COL7A1: variants seen among roughly 807,000 people sequenced by gnomAD.
The protein encoded by COL7A1 is collagen alpha-1(VII) chain.
Under a neutral mutation model 456.2 loss-of-function variants are expected in COL7A1, and 296 were observed. The ratio of observed to expected loss-of-function variants is 0.65; its 90% CI spans 0.59 to 0.71. COL7A1 has a LOEUF of 0.71. Among genes scored for constraint, COL7A1 ranks in the 30% least tolerant of loss-of-function variants. The pLI, the probability that COL7A1 is intolerant of heterozygous loss-of-function variation, is 0.00. For missense variants in COL7A1, 3,441 were observed against 4,017.2 expected, an observed-to-expected ratio of 0.86 and a Z score of 3.88; for synonymous variants, 1,464 against 1,525.9, an observed-to-expected ratio of 0.96 and a Z score of 0.95.
intron 18 of COL7A1, 49 bp from the exon 19 acceptor site, chr3:48,589,044 G>A: frequency 6.2e-7 from 1 of 1,612,254 alleles, no homozygotes; most frequent in Non-Finnish European, 8.5e-7. Flanking sequence ...CAGAGAGGCA[G>A]TGCAGGAATG....
chr3:48,577,240 C>T (rs1298363975), intron 65 of COL7A1, among the ~76,000 whole-genome samples: 2 of 152,260 alleles, frequency 1.3e-5, no homozygotes, highest in Non-Finnish European at 2.9e-5. Context: ...CAGGCAACTG[C>T]ACACATGTCC....
chr3:48,592,896 T>A lies in COL7A1; in HGVS notation c.725A>T (p.Glu242Val). ...TSAPRDLVLS[E>V]PSSQSLRVQW... ...TACTCTCAAGGATTGGCTGCTTGGC[T>A]CAGACAGCACCAGGTCTCGTGGAGC... is the stretch of plus-strand genomic sequence containing the variant. Residue 242 changes from glutamate to valine, a missense_variant, in exon 7 of 119, where the codon GAG (glutamate) becomes GTG (valine). Transcript: ENST00000681320. The surrounding 1 kb of genome is among the most constrained non-coding windows in gnomAD (Gnocchi z 7.6). 6.2e-7 allele frequency: 1 copy of A among 1,614,004 alleles called. No individual in the cohort carries two copies.
rs768256600 is a variant in COL7A1 at position 48,594,336 on chromosome 3, C to T, written c.266+32G>A. On this transcript the variant is annotated intron_variant, in intron 3 of 118. Transcript: ENST00000681320. The surrounding 1 kb of genome is among the most constrained non-coding windows in gnomAD (Gnocchi z 5.5). ...GGGGAAGGAGTCTTGGTGGGGATCT[C>T]GTGGTCCCCAGCCCCCAGGGCCCCT... is the stretch of plus-strand genomic sequence containing the variant. 3.1e-6 allele frequency: 5 copies of T among 1,604,570 alleles called. No individual in the cohort carries two copies. In the African/African-American group the frequency reaches 4.0e-5, roughly 13 times the overall value.
In COL7A1 at chr3:48,570,415, AG is replaced by A; in HGVS notation, c.7380+49del. The A allele has an allele frequency of 6.2e-7, 1 of 1,613,962 alleles. No homozygotes were observed. Among genetic ancestry groups the A allele is most frequent in the South Asian group, 1.1e-5 (1 of 91,072 alleles). On this transcript the variant is annotated intron_variant, in intron 97 of 118. Coordinates refer to ENST00000681320, the MANE Select transcript of COL7A1 (RefSeq NM_000094.4). This position sits in a 1 kb window ranked among gnomAD's most constrained non-coding sequence, Gnocchi z 5.5. The stretch of plus-strand genomic sequence containing the variant: ...GTCATGGGAGGTCAGTGGAGGCTGA[AG>A]GGGGTGACCAGGGCACAAGAGAGAG...
rs779970746 is a variant in COL7A1, at chr3:48,587,582, C to G, written c.2858-28G>C. Reference sequence around the variant, plus strand: ...GAAGGAGGAATGAAAGATCGAGGATCAGAGGCTGAGTCCTGAGAACCCAGA... The same window carrying G: ...GAAGGAGGAATGAAAGATCGAGGATGAGAGGCTGAGTCCTGAGAACCCAGA... On this transcript the variant is annotated intron_variant, in intron 22 of 118. Coordinates refer to ENST00000681320, the MANE Select transcript of COL7A1 (RefSeq NM_000094.4). The surrounding 1 kb of genome is among the most constrained non-coding windows in gnomAD (Gnocchi z 6.1). 1 of 1,613,308 alleles carries G rather than the reference C, an allele frequency of 6.2e-7. No individual in the cohort carries two copies. The highest frequency in any genetic ancestry group is 8.5e-7 in the Non-Finnish European group (1 of 1,180,004).
chr3:48,566,875 AG>A lies in COL7A1; in HGVS notation c.8226+31del. 1 of 1,576,668 alleles carries A rather than the reference AG, an allele frequency of 6.3e-7. No homozygotes were observed. The highest frequency in any genetic ancestry group is 2.3e-5 in the East Asian group (1 of 43,830). ...GAGGTTGGAAGGGTAGGGAAGGTTC[AG>A]GGATCAGGAGTCAGAGCTGGGGCCC... On this transcript the variant is annotated intron_variant, in intron 111 of 118. Coordinates refer to ENST00000681320, the MANE Select transcript of COL7A1 (RefSeq NM_000094.4). This position sits in a 1 kb window ranked among gnomAD's most constrained non-coding sequence, Gnocchi z 5.9.
Position 48,594,519 on chromosome 3 carries a change from T to G in COL7A1, c.115A>C (p.Ile39Leu), listed in dbSNP as rs773612591. ...VTCTRLYAAD[I>L]VFLLDGSSSI... Reference sequence around the variant, plus strand: ...GAGGAGCCATCCAGTAAGAACACAATGTCAGCGGCGTAAAGGCGCGTGCAG... The same window carrying G: ...GAGGAGCCATCCAGTAAGAACACAAGGTCAGCGGCGTAAAGGCGCGTGCAG... Residue 39 changes from isoleucine (I) to leucine (L), a missense_variant, in exon 3 of 119, where the codon ATT (isoleucine) becomes CTT (leucine). This residue lies in a region of COL7A1 where 913 missense variants were observed against 1,088.2 expected (regional missense o/e 0.84). Coordinates refer to ENST00000681320, the MANE Select transcript of COL7A1 (RefSeq NM_000094.4). The surrounding 1 kb of genome is among the most constrained non-coding windows in gnomAD (Gnocchi z 5.5). The G allele has an allele frequency of 1.2e-6, 2 of 1,610,644 alleles. No individual in the cohort carries two copies. Among genetic ancestry groups the G allele is most frequent in the East Asian group, 2.2e-5 (1 of 44,828 alleles).
In COL7A1 at chr3:48,565,432, G is replaced by T. The variant is rs748854889; in HGVS notation, c.8505C>A (p.Arg2835=). 1 of 1,612,088 alleles carries T rather than the reference G, an allele frequency of 6.2e-7. No homozygotes were observed. The highest frequency in any genetic ancestry group is 8.5e-7 in the Non-Finnish European group (1 of 1,179,148). Residue 2835 remains arginine (R), a synonymous_variant, in exon 116 of 119, where the codon CGC becomes CGA. Transcript: ENST00000681320. The surrounding 1 kb of genome is among the most constrained non-coding windows in gnomAD (Gnocchi z 4.5). ...CACCTTCCTCCTCTGCATGAGAGAC[G>T]CGGAGCACAGGCACAGCATGGAGCT... ...GSQLHAVPVL[R]VSHAEEEERV... is the part of the protein sequence containing the mutation.
chr3:48,584,591 C>A (rs776025975), intron 35 of COL7A1, 35 bp from the exon 36 acceptor site: 1 of 1,613,702 alleles, frequency 6.2e-7, no homozygotes, highest in South Asian at 1.1e-5. Context: ...AGGATTCAGG[C>A]TATGGGGGCC....
chr3:48,583,357 C>G lies in COL7A1; in HGVS notation c.4437+36G>C. The stretch of plus-strand genomic sequence containing the variant: ...TAACACCATGGGGAGCCCAGAGTAG[C>G]ACCCCTCACACCTGAATCCCCCAAC... On this transcript the variant is annotated intron_variant, in intron 42 of 118. Coordinates refer to ENST00000681320, the MANE Select transcript of COL7A1 (RefSeq NM_000094.4). The surrounding 1 kb of genome is among the most constrained non-coding windows in gnomAD (Gnocchi z 5.1). The G allele has an allele frequency of 6.2e-7, 1 of 1,613,926 alleles. No homozygotes were observed.
At position 48,587,001 on chromosome 3, in the gene COL7A1, G is replaced by C; in HGVS notation, c.3247C>G (p.Leu1083Val). ...RRVLERLVLA[L>V]GPLGPQAVQV... Reference sequence around the variant, plus strand: ...ACTGCCTGTGGCCCAAGAGGCCCAAGTGCCAACACCAGACGCTCCAGGACC... The same window carrying C: ...ACTGCCTGTGGCCCAAGAGGCCCAACTGCCAACACCAGACGCTCCAGGACC... Residue 1083 changes from leucine (L) to valine (V), a missense_variant, in exon 25 of 119, where the codon CTT (leucine) becomes GTT (valine). Leu to Val is a conservative substitution (Grantham distance 32, BLOSUM62 1). Transcript: ENST00000681320. This position sits in a 1 kb window ranked among gnomAD's most constrained non-coding sequence, Gnocchi z 6.1. 6.2e-7 allele frequency: 1 copy of C among 1,600,490 alleles called. No individual in the cohort carries two copies. The highest frequency in any genetic ancestry group is 8.5e-7 in the Non-Finnish European group (1 of 1,173,724).
chr3:48,593,939 T>C lies in COL7A1; in HGVS notation c.267-243A>G, dbSNP rs951023185. Among the ~76,000 whole-genome samples, 7 of 152,150 alleles carry C rather than the reference T, an allele frequency of 4.6e-5. No homozygotes were observed. The highest frequency in any genetic ancestry group is 1.7e-4 in the African/African-American group (7 of 41,448). On this transcript the variant is annotated intron_variant, in intron 3 of 118. Transcript: ENST00000681320. The surrounding 1 kb of genome is among the most constrained non-coding windows in gnomAD (Gnocchi z 4.4). ...TGAAGGAGCCCTTAGGGGCTCACAG[T>C]CTGTGGGGAACAAGATGCTGCTTAA...
chr3:48,592,292 G>T lies in COL7A1; in HGVS notation c.1094-44C>A, dbSNP rs1266100479. ...GGGGCCAGTGGGCCTTGCAGACTCA[G>T]GACTCTACAGCCTTGTCTGAGGCGC... is the stretch of plus-strand genomic sequence containing the variant. On this transcript the variant is annotated intron_variant, in intron 9 of 118. Coordinates refer to ENST00000681320, the MANE Select transcript of COL7A1 (RefSeq NM_000094.4). This position sits in a 1 kb window ranked among gnomAD's most constrained non-coding sequence, Gnocchi z 7.6. 1.2e-6 allele frequency: 2 copies of T among 1,613,788 alleles called. No homozygotes were observed. Among genetic ancestry groups the T allele is most frequent in the South Asian group, 2.2e-5 (2 of 91,086 alleles).
In COL7A1 at chr3:48,570,296, C is replaced by T; in HGVS notation, c.7419G>A (p.Glu2473=). ...PGVGLPGPRG[E]RGEPGIRGED... Reference sequence around the variant, plus strand: ...GTACCCGGATGCCTGGCTCCCCACGCTCGCCTCGGGGCCCAGGCAGCCCTA... The same window carrying T: ...GTACCCGGATGCCTGGCTCCCCACGTTCGCCTCGGGGCCCAGGCAGCCCTA... The change falls in exon 98 of 119, where the codon GAG becomes GAA. Residue 2473 remains glutamate, a synonymous_variant. Coordinates refer to ENST00000681320, the MANE Select transcript of COL7A1 (RefSeq NM_000094.4). The surrounding 1 kb of genome is among the most constrained non-coding windows in gnomAD (Gnocchi z 5.5). 2 of 1,614,100 alleles carry T rather than the reference C, an allele frequency of 1.2e-6. No homozygotes were observed. The highest frequency in any genetic ancestry group is 2.2e-5 in the East Asian group (1 of 44,864).
chr3:48,579,431 G>A lies in COL7A1; in HGVS notation c.5272-27C>T, dbSNP rs945193435. On this transcript the variant is annotated intron_variant, in intron 60 of 118. Transcript: ENST00000681320. This position sits in a 1 kb window ranked among gnomAD's most constrained non-coding sequence, Gnocchi z 4.4. Reference sequence around the variant, plus strand: ...TGGAGGGAACAGGGTCAGATAAGAGGTGAGGGTAAGATGGGGACTTGGCAG... The same window carrying A: ...TGGAGGGAACAGGGTCAGATAAGAGATGAGGGTAAGATGGGGACTTGGCAG... 1 of 1,614,200 alleles carries A rather than the reference G, an allele frequency of 6.2e-7. No homozygotes were observed.
At position 48,571,692 on chromosome 3, in the gene COL7A1, A is replaced by G. The variant is rs776554550; in HGVS notation, c.7068+309T>C. On this transcript the variant is annotated intron_variant, in intron 92 of 118. Coordinates refer to ENST00000681320, the MANE Select transcript of COL7A1 (RefSeq NM_000094.4). The surrounding 1 kb of genome is among the most constrained non-coding windows in gnomAD (Gnocchi z 4.6). ...AAGGAGGATTGTAAACACAGGACCA[A>G]GGAGAGGTTCACAAGAACTCAGGTG... The G allele has an allele frequency of 1.5e-6, 1 of 646,546 alleles. No individual in the cohort carries two copies. Among genetic ancestry groups the G allele is most frequent in the Admixed American group, 2.1e-5 (1 of 46,850 alleles). 40.1% of individuals were successfully genotyped at this position (646,546 alleles called of 1,614,324 possible). A position where few individuals can be genotyped will look rare whatever the true frequency, so the allele number is the denominator to read the frequency against.
chr3:48,566,623 C>G lies in COL7A1; in HGVS notation c.8304+37G>C, dbSNP rs1398052319. On this transcript the variant is annotated intron_variant, in intron 112 of 118. Transcript: ENST00000681320. This position sits in a 1 kb window ranked among gnomAD's most constrained non-coding sequence, Gnocchi z 5.9. ...TGACCTCAGGGACAACAGAAGTCACCCCGATCTCTGACCCAAGCCTTGGAA... is the reference window on the plus strand; with the variant it reads ...TGACCTCAGGGACAACAGAAGTCACGCCGATCTCTGACCCAAGCCTTGGAA... 2 of 1,614,126 alleles carry G rather than the reference C, an allele frequency of 1.2e-6. No homozygotes were observed. The highest frequency in any genetic ancestry group is 1.7e-6 in the Non-Finnish European group (2 of 1,180,002).
chr3:48,586,817 C>T lies in COL7A1; in HGVS notation c.3277-128G>A. The T allele has an allele frequency of 6.7e-7, 1 of 1,502,368 alleles. No homozygotes were observed. Among genetic ancestry groups the T allele is most frequent in the Non-Finnish European group, 9.0e-7 (1 of 1,107,732 alleles). 93.1% of individuals were successfully genotyped at this position (1,502,368 alleles called of 1,614,324 possible). ...TCTATTAGGGAGTCAGCAGTGATGG[C>T]AGGATAGGGAGCCAGGCAGTAGGTG... On this transcript the variant is annotated intron_variant, in intron 25 of 118. Coordinates refer to ENST00000681320, the MANE Select transcript of COL7A1 (RefSeq NM_000094.4). The surrounding 1 kb of genome is among the most constrained non-coding windows in gnomAD (Gnocchi z 5.1).
chr3:48,567,080 C>G lies in COL7A1; in HGVS notation c.8109+48G>C, dbSNP rs199848836. 7 of 1,613,444 alleles carry G rather than the reference C, an allele frequency of 4.3e-6. No individual in the cohort carries two copies. The East Asian group carries it at 1.3e-4, about 31-fold the overall frequency. On this transcript the variant is annotated intron_variant, in intron 110 of 118. Coordinates refer to ENST00000681320, the MANE Select transcript of COL7A1 (RefSeq NM_000094.4). This position sits in a 1 kb window ranked among gnomAD's most constrained non-coding sequence, Gnocchi z 4.3. Reference sequence around the variant, plus strand: ...GAGGCCCCAGAGATGGACCCTCTCCCAAAGTGCACGCTCCCCTCAATTCAC... The same window carrying G: ...GAGGCCCCAGAGATGGACCCTCTCCGAAAGTGCACGCTCCCCTCAATTCAC...
Sources: gnomAD v4.1 joint callset for allele counts (sites outside exome capture counted in the v4.1 genomes callset) on GRCh38, gnomAD v4.1.1 for gene constraint, gnomAD v4.1.1 regional missense constraint, Gnocchi (gnomAD v3.1) non-coding constraint, MANE v1.5 for transcripts, NCBI Gene and HGNC (gene_info 2026-07-23, HGNC 2026-07-21) for gene names.